The following TXLNB variants were observed in gnomAD, a reference collection of about 807,000 sequenced individuals.
TXLNB encodes the protein beta-taxilin.
TXLNB carries 37 observed loss-of-function variants against 57.4 expected under a neutral mutation model. The ratio of observed to expected loss-of-function variants is 0.64; its 90% CI spans 0.50 to 0.85. The LOEUF is 0.85. Ranked by LOEUF, TXLNB falls within the 40% of genes least tolerant of loss-of-function variation. The pLI is 0.00. For missense variants in TXLNB, 848 were observed against 825.6 expected, an observed-to-expected ratio of 1.03 and a Z score of -0.33; for synonymous variants, 302 against 309.6, an observed-to-expected ratio of 0.98 and a Z score of 0.26.
chr6:139,220,103 C>G, the TXLNB span, among the ~76,000 whole-genome samples: 2 of 152,100 alleles, frequency 1.3e-5, no homozygotes, highest in Non-Finnish European at 2.9e-5. Context: ...GGGGTGGACC[C>G]CTCATGAATG....
At chr6:139,304,916 T>A in the TXLNB span, among the ~76,000 whole-genome samples, 1 of 152,240 alleles carries the variant, frequency 6.6e-6, no homozygotes, top group Non-Finnish European at 1.5e-5. Flanking sequence ...TTCCATTTTT[T>A]AATAAAACAT....
chr6:139,306,813 G>A, the TXLNB span, among the ~76,000 whole-genome samples: 1 of 152,174 alleles, frequency 6.6e-6, no homozygotes, highest in Non-Finnish European at 1.5e-5. Context: ...TTCTACAGCA[G>A]CCAACAGCCA....
At chr6:139,303,380 T>A in the TXLNB span, among the ~76,000 whole-genome samples, 1 of 152,128 alleles carries the variant, frequency 6.6e-6, no homozygotes, top group Non-Finnish European at 1.5e-5. Flanking sequence ...ATGACTTGGG[T>A]TCATGAAATG....
At chr6:139,186,350 A>C in the TXLNB span, among the ~76,000 whole-genome samples, 9 of 152,180 alleles carry the variant, frequency 5.9e-5, no homozygotes, top group African/African-American at 1.2e-4. Flanking sequence ...AAGTTCCCCC[A>C]AAAAACATTT....
At chr6:139,224,560 G>A in the TXLNB span, among the ~76,000 whole-genome samples, 1 of 151,746 alleles carries the variant, frequency 6.6e-6, no homozygotes, top group Non-Finnish European at 1.5e-5. Context: ...TTACTATCAG[G>A]AGTGGAAAAT....
At chr6:139,312,288 TA>T in the TXLNB span, among the ~76,000 whole-genome samples, 12 of 151,932 alleles carry the variant, frequency 7.9e-5, no homozygotes, top group African/African-American at 2.4e-4. Context: ...TGAGGAAAGG[TA>T]AAAAAAATCA....
chr6:139,232,424 A>G, the TXLNB span, among the ~76,000 whole-genome samples: 1 of 152,150 alleles, frequency 6.6e-6, no homozygotes, highest in Non-Finnish European at 1.5e-5. Context: ...ACCATATTAT[A>G]CTTGTAGTAC....
At chr6:139,232,451 T>G in the TXLNB span, among the ~76,000 whole-genome samples, 1 of 152,216 alleles carries the variant, frequency 6.6e-6, no homozygotes, top group Non-Finnish European at 1.5e-5. Context: ...CTAATATATA[T>G]TTAATCTCAT....
chr6:139,192,958 G>A, the TXLNB span, among the ~76,000 whole-genome samples: 3 of 150,354 alleles, frequency 2.0e-5, no homozygotes, highest in Non-Finnish European at 4.4e-5. Flanking sequence ...GCAAGACTCC[G>A]TCTCAAAAAC....
the TXLNB span, among the ~76,000 whole-genome samples, chr6:139,302,036 T>C: frequency 6.6e-6 from 1 of 152,254 alleles, no homozygotes; most frequent in East Asian, 1.9e-4. Flanking sequence ...ATATATATTC[T>C]TAATTGAAAC....
rs1314503333 is a variant in TXLNB at position 139,285,304 on chromosome 6, A to ACACACACC, written c.424+3171_424+3172insGGTGTGTG. ...CACACACACACACACACACACACAC[A>ACACACACC]CCCCAATTCTTATGTAAAAGTTTTA... On this transcript the variant is annotated intron_variant, in intron 2 of 9. Transcript: ENST00000358430. Among the ~76,000 whole-genome samples, 38 of 128,226 alleles carry ACACACACC rather than the reference A, an allele frequency of 3.0e-4. 1 individual carries two copies. The highest frequency in any genetic ancestry group is 1.0e-3 in the African/African-American group (34 of 33,990). The allele number at this position is 128,226 out of a possible 152,430, so 84.1% of individuals were successfully genotyped here.
chr6:139,269,057 C>T (rs1033459967), intron 4 of TXLNB: 1 of 152,148 alleles, frequency 6.6e-6, no homozygotes, highest in African/African-American at 2.4e-5. Flanking sequence ...GTGCCACACT[C>T]AGCTAATTTT....
rs1424123768 is a variant in TXLNB at position 139,243,179 on chromosome 6, C to A, written c.1402G>T (p.Asp468Tyr). ...IRDAEISEKD[D>Y]QSQHNSDEEP... Reference sequence around the variant, plus strand: ...TCATCGGAGTTGTGCTGACTTTGGTCATCCTTTTCAGATATTTCTGCGTCT... The same window carrying A: ...TCATCGGAGTTGTGCTGACTTTGGTAATCCTTTTCAGATATTTCTGCGTCT... Residue 468 changes from aspartate to tyrosine, a missense_variant, in exon 10 of 10, where the codon GAC becomes TAC. Asp to Tyr is a radical substitution (Grantham distance 160). Coordinates refer to ENST00000358430, the MANE Select transcript of TXLNB (RefSeq NM_153235.4). The A allele has an allele frequency of 1.2e-6, 2 of 1,614,052 alleles. No individual in the cohort carries two copies. Among genetic ancestry groups the A allele is most frequent in the African/African-American group, 2.7e-5 (2 of 74,916 alleles).
the TXLNB span, chr6:139,165,889 T>C: frequency 6.1e-6 from 1 of 164,838 alleles, no homozygotes; most frequent in Non-Finnish European, 1.3e-5. Flanking sequence ...GGAAGAATTC[T>C]GGTTTTTTCC....
intron 2 of TXLNB, among the ~76,000 whole-genome samples, chr6:139,281,336 C>T (rs905996776): frequency 1.8e-4 from 27 of 152,144 alleles, no homozygotes; most frequent in Non-Finnish European, 3.7e-4. Flanking sequence ...CTCACTGTCA[C>T]CACTCATTGT....
chr6:139,226,636 A>C, the TXLNB span, among the ~76,000 whole-genome samples: 1 of 152,238 alleles, frequency 6.6e-6, no homozygotes, highest in African/African-American at 2.4e-5. Context: ...AGGGAAAAAA[A>C]CATCATGAAT....
chr6:139,243,728 A>G (rs369932392), intron 9 of TXLNB, among the ~76,000 whole-genome samples: 23 of 152,260 alleles, frequency 1.5e-4, no homozygotes, highest in Admixed American at 9.8e-4. Flanking sequence ...TATCTGTTCT[A>G]TGAATAAACT....
At chr6:139,280,630 G>C (rs1351071811) in intron 2 of TXLNB, among the ~76,000 whole-genome samples, 1 of 152,122 alleles carries the variant, frequency 6.6e-6, no homozygotes, top group Non-Finnish European at 1.5e-5. Context: ...GGGACAGAGC[G>C]AGACTCCATC....
the TXLNB span, among the ~76,000 whole-genome samples, chr6:139,184,100 T>C: frequency 1.4e-3 from 214 of 152,312 alleles, no homozygotes; most frequent in African/African-American, 5.0e-3. Context: ...TGAGCAGACA[T>C]GGCTGCTTAT....
Sources: allele counts gnomAD v4.1 joint callset (sites outside exome capture counted in the v4.1 genomes callset), GRCh38; gene constraint gnomAD v4.1.1; transcripts MANE v1.5; gene names NCBI Gene and HGNC (gene_info 2026-07-23, HGNC 2026-07-21).